SNAP25: variants seen among roughly 807,000 people sequenced by gnomAD.
SNAP25 encodes the protein synaptosome associated protein 25.
A neutral mutation model predicts 28.7 loss-of-function variants in SNAP25; 3 were observed. That is an observed-to-expected ratio of 0.10 (90% CI 0.05 to 0.27). The LOEUF (loss-of-function observed/expected upper bound fraction) is 0.27, where lower values mean the gene tolerates loss of function less well. Ranked by LOEUF, SNAP25 falls within the 10% of genes least tolerant of loss-of-function variation. The pLI, the probability that SNAP25 is intolerant of heterozygous loss-of-function variation, is 1.00. For missense variants in SNAP25, 117 were observed against 278.7 expected (o/e 0.42, Z 4.13); for synonymous variants, 61 against 88.1 (o/e 0.69, Z 1.72).
intron 1 of SNAP25, among the ~76,000 whole-genome samples, chr20:10,270,544 C>CA (rs2063575718): frequency 1.3e-5 from 2 of 151,610 alleles, no homozygotes; most frequent in South Asian, 4.2e-4. Flanking sequence ...ACTAAAAATA[C>CA]AAAAAATTAG....
At chr20:10,301,364 A>C (rs1473281747) in intron 7 of SNAP25, among the ~76,000 whole-genome samples, 1 of 152,190 alleles carries the variant, frequency 6.6e-6, no homozygotes, top group Non-Finnish European at 1.5e-5. Context: ...GAAGGGTCTA[A>C]TTGCCTTTGA....
rs1428387223 is a variant in SNAP25 at position 10,293,351 on chromosome 20, G to A, written c.281+73G>A. On this transcript the variant is annotated intron_variant, in intron 5 of 7. Coordinates refer to ENST00000254976, the MANE Select transcript of SNAP25 (RefSeq NM_130811.4). The surrounding 1 kb of genome is among the most constrained non-coding windows in gnomAD (Gnocchi z 5.6). The stretch of plus-strand genomic sequence containing the variant: ...TCCAAGCCTTGACAAGCTCATTCCT[G>A]CCAAGCTCATAGGCAGGATGAGCAT... 9.4e-6 allele frequency: 11 copies of A among 1,171,560 alleles called. No homozygotes were observed. Among genetic ancestry groups the A allele is most frequent in the Non-Finnish European group, 1.4e-5 (11 of 781,766 alleles). 72.6% of individuals were successfully genotyped at this position (1,171,560 alleles called of 1,614,324 possible). A position where few individuals can be genotyped will look rare whatever the true frequency, so the allele number is the denominator to read the frequency against.
intron 1 of SNAP25, among the ~76,000 whole-genome samples, chr20:10,260,007 G>A (rs1005534638): frequency 2.0e-5 from 3 of 152,136 alleles, no homozygotes; most frequent in Admixed American, 2.0e-4. Context: ...CAGCTGGTTG[G>A]TCAGCCTTTC....
chr20:10,234,071 T>C (rs1600651882), intron 1 of SNAP25, among the ~76,000 whole-genome samples: 1 of 152,224 alleles, frequency 6.6e-6, no homozygotes, highest in East Asian at 1.9e-4. Context: ...ATGTCCTACA[T>C]AGATAGACTT....
rs2122123465 is a variant in SNAP25 at position 10,306,465 on chromosome 20, C to T, written c.*268C>T. On this transcript the variant is annotated 3_prime_UTR_variant, in exon 8 of 8. Transcript: ENST00000254976. ...TTGAGTTTCATTTTTCATTTTCTCT[C>T]CTCGGTGGCATTTGCTGAATAACAA... 1 of 347,612 alleles carries T rather than the reference C, an allele frequency of 2.9e-6. No individual in the cohort carries two copies. Among genetic ancestry groups the T allele is most frequent in the Non-Finnish European group, 5.3e-6 (1 of 190,414 alleles). 21.5% of individuals were successfully genotyped at this position (347,612 alleles called of 1,614,324 possible).
chr20:10,269,794 A>C (rs1041231261), intron 1 of SNAP25, among the ~76,000 whole-genome samples: 2 of 152,238 alleles, frequency 1.3e-5, no homozygotes, highest in African/African-American at 4.8e-5. Flanking sequence ...TATAATTTTC[A>C]CATGTCACAA....
chr20:10,273,253 C>T (rs576427096), intron 1 of SNAP25, among the ~76,000 whole-genome samples: 2 of 152,118 alleles, frequency 1.3e-5, no homozygotes, highest in Admixed American at 1.3e-4. Flanking sequence ...GGCCCCAAAT[C>T]TAATTTCCTC....
At chr20:10,291,902 T>C (rs2064006616) in intron 4 of SNAP25, among the ~76,000 whole-genome samples, 2 of 152,260 alleles carry the variant, frequency 1.3e-5, no homozygotes, top group Non-Finnish European at 2.9e-5. Context: ...AAAAATCCTT[T>C]CATTGAACTT....
intron 5 of SNAP25, among the ~76,000 whole-genome samples, chr20:10,296,034 A>T (rs897751576): frequency 1.3e-5 from 2 of 152,294 alleles, no homozygotes; most frequent in South Asian, 4.1e-4. Flanking sequence ...TCAAATCCTC[A>T]TGAAGGCTAT....
intron 1 of SNAP25, among the ~76,000 whole-genome samples, chr20:10,229,314 T>G (rs2062785529): frequency 6.6e-6 from 1 of 152,110 alleles, no homozygotes; most frequent in African/African-American, 2.4e-5. Flanking sequence ...CACATGTGTT[T>G]TTGTATGTGC....
chr20:10,257,789 A>G (rs1834718989), intron 1 of SNAP25, among the ~76,000 whole-genome samples: 1 of 151,250 alleles, frequency 6.6e-6, no homozygotes, highest in Non-Finnish European at 1.5e-5. Context: ...AGGCTGAGGC[A>G]GGAGAATTGC....
At chr20:10,257,146 G>T (rs1050309099) in intron 1 of SNAP25, among the ~76,000 whole-genome samples, 1 of 152,106 alleles carries the variant, frequency 6.6e-6, no homozygotes, top group Non-Finnish European at 1.5e-5. Context: ...TTCTTTTAAA[G>T]CTCCCCAGGA....
chr20:10,292,275 T>C, intron 4 of SNAP25, among the ~76,000 whole-genome samples: 1 of 152,190 alleles, frequency 6.6e-6, no homozygotes, highest in East Asian at 1.9e-4. Flanking sequence ...TGTGTGGATG[T>C]TACTCTTTTT....
intron 1 of SNAP25, among the ~76,000 whole-genome samples, chr20:10,257,215 AAAAC>A (rs2063332616): frequency 6.6e-6 from 1 of 152,192 alleles, no homozygotes; most frequent in Non-Finnish European, 1.5e-5. Flanking sequence ...AAAAAGGAAA[AAAAC>A]AATTCTTCAC....
intron 7 of SNAP25, among the ~76,000 whole-genome samples, chr20:10,305,912 C>G (rs73896517): frequency 6.6e-6 from 1 of 150,976 alleles, no homozygotes; most frequent in Middle Eastern, 3.2e-3. Flanking sequence ...AAAATATATT[C>G]GTTCATTAAA....
In SNAP25 at chr20:10,293,398, T is replaced by C. The variant is rs2064040721; in HGVS notation, c.281+120T>C. 2 of 709,024 alleles carry C rather than the reference T, an allele frequency of 2.8e-6. No individual in the cohort carries two copies. Among genetic ancestry groups the C allele is most frequent in the Admixed American group, 4.8e-5 (2 of 41,312 alleles). 43.9% of individuals were successfully genotyped at this position (709,024 alleles called of 1,614,324 possible). Reference sequence around the variant, plus strand: ...GCATGTGGCATGCAGAACAGATCAATACCGTCTCCAATGCATTCATCTCAT... The same window carrying C: ...GCATGTGGCATGCAGAACAGATCAACACCGTCTCCAATGCATTCATCTCAT... On this transcript the variant is annotated intron_variant, in intron 5 of 7. Transcript: ENST00000254976. This position sits in a 1 kb window ranked among gnomAD's most constrained non-coding sequence, Gnocchi z 5.6.
chr20:10,279,204 T>A (rs1373370321), intron 3 of SNAP25, among the ~76,000 whole-genome samples: 1 of 152,216 alleles, frequency 6.6e-6, no homozygotes, highest in East Asian at 1.9e-4. Flanking sequence ...ATGGACTTAT[T>A]CTCTCTCAAG....
chr20:10,263,899 T>C (rs918608070), intron 1 of SNAP25, among the ~76,000 whole-genome samples: 1 of 152,158 alleles, frequency 6.6e-6, no homozygotes, highest in African/African-American at 2.4e-5. Context: ...ACAGAATCAA[T>C]GAGACAAGAT....
chr20:10,300,170 G>A (rs1201127881), intron 7 of SNAP25, among the ~76,000 whole-genome samples: 1 of 151,750 alleles, frequency 6.6e-6, no homozygotes, highest in East Asian at 1.9e-4. Context: ...AGAAAGACTG[G>A]AGGGAGTAGA....
Sources: gnomAD v4.1 joint callset for allele counts (sites outside exome capture counted in the v4.1 genomes callset) on GRCh38, gnomAD v4.1.1 for gene constraint, Gnocchi (gnomAD v3.1) non-coding constraint, MANE v1.5 for transcripts, NCBI Gene and HGNC (gene_info 2026-07-23, HGNC 2026-07-21) for gene names.